CSMD1: variants seen among roughly 807,000 people sequenced by gnomAD.
CSMD1 encodes CUB and Sushi multiple domains 1, also known as CUB and sushi domain-containing protein 1.
In CSMD1, 213 loss-of-function variants were observed where a neutral mutation model predicts 417.5. That is an observed-to-expected ratio of 0.51 (90% CI 0.46 to 0.57). The LOEUF is 0.57. Among genes scored for constraint, CSMD1 ranks in the 20% least tolerant of loss-of-function variants. The pLI is 0.00. For synonymous variants in CSMD1, 2,862 were observed against 1,736.8 expected (o/e 1.65, Z -16.11); for missense variants, 6,923 against 4,529.7 (o/e 1.53, Z -15.17).
At chr8:3,714,754 ACAC>A (rs542595072) in intron 6 of CSMD1, among the ~76,000 whole-genome samples, 178 of 151,994 alleles carry the variant, frequency 1.2e-3, no homozygotes, top group African/African-American at 4.1e-3. Context: ...AAAAACAACA[ACAC>A]AAGAATTTTT....
intron 3 of CSMD1, among the ~76,000 whole-genome samples, chr8:4,068,840 A>G (rs1267499141): frequency 6.6e-6 from 1 of 152,240 alleles, no homozygotes; most frequent in African/African-American, 2.4e-5. Flanking sequence ...CATGTACTGT[A>G]TCAAAATGCA....
intron 5 of CSMD1, among the ~76,000 whole-genome samples, chr8:3,890,292 T>G (rs1043947011): frequency 2.0e-5 from 3 of 152,176 alleles, no homozygotes; most frequent in African/African-American, 7.2e-5. Context: ...TTTGATTTAC[T>G]TGAAAAATAT....
chr8:4,717,712 A>C (rs905646774), intron 1 of CSMD1, among the ~76,000 whole-genome samples: 1 of 152,108 alleles, frequency 6.6e-6, no homozygotes, highest in Admixed American at 6.6e-5. Flanking sequence ...CAAGAGAATC[A>C]CATACAGTGG....
intron 12 of CSMD1, among the ~76,000 whole-genome samples, chr8:3,417,103 A>G (rs1813206573): frequency 6.6e-6 from 1 of 152,162 alleles, no homozygotes; most frequent in Non-Finnish European, 1.5e-5. Context: ...TTTATTCTGG[A>G]TGGGGTAATA....
At chr8:3,039,098 A>G (rs1585204878) in intron 50 of CSMD1, among the ~76,000 whole-genome samples, 2 of 152,158 alleles carry the variant, frequency 1.3e-5, no homozygotes, top group South Asian at 4.1e-4. Flanking sequence ...GTACTTAGAG[A>G]AAGTGGGTGG....
intron 1 of CSMD1, among the ~76,000 whole-genome samples, chr8:4,952,614 T>G (rs774925550): frequency 2.0e-5 from 3 of 152,082 alleles, no homozygotes; most frequent in Non-Finnish European, 4.4e-5. Context: ...AATTCACAAT[T>G]AGAGCATAGT....
rs192132175 is a variant in CSMD1, at chr8:4,091,985, C to A, written c.416-59886G>T. On this transcript the variant is annotated intron_variant, in intron 3 of 69. Coordinates refer to ENST00000635120, the MANE Select transcript of CSMD1 (RefSeq NM_033225.6). ...CGTAACTCTGCTAAGACATTTTATGCGCCTAAAAAGTGAAGCTACTTTTAC... is the reference window on the plus strand; with the variant it reads ...CGTAACTCTGCTAAGACATTTTATGAGCCTAAAAAGTGAAGCTACTTTTAC... Among the ~76,000 whole-genome samples, 403 of 152,194 alleles carry A rather than the reference C, an allele frequency of 2.6e-3. 4 individuals carry two copies. The highest frequency in any genetic ancestry group is 3.6e-3 in the Non-Finnish European group (248 of 68,008).
chr8:3,893,910 A>T (rs1416437230), intron 5 of CSMD1, among the ~76,000 whole-genome samples: 2 of 152,140 alleles, frequency 1.3e-5, no homozygotes, highest in African/African-American at 4.8e-5. Flanking sequence ...CATGCAATTC[A>T]TGAGCAAGCA....
intron 1 of CSMD1, among the ~76,000 whole-genome samples, chr8:4,879,395 C>G (rs1278827406): frequency 6.6e-6 from 1 of 151,944 alleles, no homozygotes; most frequent in Non-Finnish European, 1.5e-5. Context: ...ACTGGCTGAA[C>G]TTAGTGCAAT....
chr8:3,644,829 C>A (rs1563228662), intron 7 of CSMD1, among the ~76,000 whole-genome samples: 1 of 151,980 alleles, frequency 6.6e-6, no homozygotes, highest in Non-Finnish European at 1.5e-5. Flanking sequence ...CCTCCAGGAA[C>A]CCCGATGTGG....
intron 5 of CSMD1, among the ~76,000 whole-genome samples, chr8:3,982,111 T>A (rs570752191): frequency 2.0e-5 from 3 of 150,728 alleles, no homozygotes; most frequent in African/African-American, 7.3e-5. Context: ...TGAGTCGAGA[T>A]TGCACAACTG....
intron 5 of CSMD1, among the ~76,000 whole-genome samples, chr8:3,860,184 T>G (rs1482070741): frequency 6.6e-6 from 1 of 152,164 alleles, no homozygotes; most frequent in East Asian, 1.9e-4. Context: ...GTAGAAAGTT[T>G]GAGTGATTCA....
At chr8:4,659,979 G>C (rs947681678) in intron 1 of CSMD1, among the ~76,000 whole-genome samples, 1 of 151,946 alleles carries the variant, frequency 6.6e-6, no homozygotes, top group East Asian at 1.9e-4. Flanking sequence ...TCCTCAAATT[G>C]GTAAGGAGTA....
intron 10 of CSMD1, among the ~76,000 whole-genome samples, chr8:3,494,279 G>A (rs1796267777): frequency 6.6e-6 from 1 of 152,060 alleles, no homozygotes; most frequent in South Asian, 2.1e-4. Flanking sequence ...ATGATGAGCA[G>A]CACCAAGACA....
intron 1 of CSMD1, among the ~76,000 whole-genome samples, chr8:4,978,898 A>G (rs1213354298): frequency 6.6e-6 from 1 of 152,226 alleles, no homozygotes; most frequent in Non-Finnish European, 1.5e-5. Flanking sequence ...AGATTGTGCC[A>G]CTGCACTCCA....
chr8:4,391,551 A>AG (rs1274814765), intron 3 of CSMD1, among the ~76,000 whole-genome samples: 2 of 152,078 alleles, frequency 1.3e-5, no homozygotes, highest in Non-Finnish European at 2.9e-5. Context: ...AGCTCAGAGT[A>AG]GGTAAGACTT....
intron 5 of CSMD1, among the ~76,000 whole-genome samples, chr8:3,882,822 G>A (rs1412953158): frequency 2.6e-5 from 4 of 152,104 alleles, no homozygotes; most frequent in African/African-American, 9.7e-5. Flanking sequence ...TGTCAAAATA[G>A]GCAAATTAGT....
intron 3 of CSMD1, among the ~76,000 whole-genome samples, chr8:4,238,498 G>A (rs1802201105): frequency 6.6e-6 from 1 of 152,182 alleles, no homozygotes; most frequent in African/African-American, 2.4e-5. Context: ...ACATTAAGAG[G>A]TGACTAGAGG....
chr8:3,984,050 G>C (rs1413854353), intron 5 of CSMD1, among the ~76,000 whole-genome samples: 1 of 147,690 alleles, frequency 6.8e-6, no homozygotes, highest in Non-Finnish European at 1.5e-5. Context: ...AGATCTGATG[G>C]GGCTGTCAAT....
Sources: gnomAD v4.1 joint callset for allele counts (sites outside exome capture counted in the v4.1 genomes callset) on GRCh38, gnomAD v4.1.1 for gene constraint, MANE v1.5 for transcripts, NCBI Gene and HGNC (gene_info 2026-07-23, HGNC 2026-07-21) for gene names.